The following CDC42BPA variants were observed in gnomAD, a reference collection of about 807,000 sequenced individuals.
CDC42BPA encodes serine/threonine-protein kinase MRCK alpha.
CDC42BPA carries 80 observed loss-of-function variants against 223.5 expected under a neutral mutation model. The ratio of observed to expected loss-of-function variants is 0.36; its 90% CI spans 0.30 to 0.43. The LOEUF is 0.43. Among genes scored for constraint, CDC42BPA ranks in the 20% least tolerant of loss-of-function variants. The pLI is 1.00. For synonymous variants in CDC42BPA, 694 were observed against 718.6 expected (o/e 0.97, Z 0.55); for missense variants, 1,743 against 2,099.9 (o/e 0.83, Z 3.32).
chr1:227,076,920 C>G (rs889941494), intron 17 of CDC42BPA, among the ~76,000 whole-genome samples: 23 of 152,138 alleles, frequency 1.5e-4, no homozygotes, highest in Non-Finnish European at 7.3e-5. Context: ...CTCTATACTT[C>G]CCGAAGTCTA....
chr1:227,203,301 G>A (rs981111792), intron 3 of CDC42BPA, among the ~76,000 whole-genome samples: 3 of 152,106 alleles, frequency 2.0e-5, no homozygotes, highest in African/African-American at 2.4e-5. Context: ...GTCACAATTG[G>A]GAAAGGATGG....
At chr1:227,011,053 G>A in intron 34 of CDC42BPA, 1 of 1,334,914 alleles carries the variant, frequency 7.5e-7, no homozygotes, top group Non-Finnish European at 9.9e-7. Context: ...GGATGGATAA[G>A]GGAAACCTGG....
rs1675683780 is a variant in CDC42BPA, at chr1:227,220,402, GAATA to G, written c.271-7187_271-7184del. Reference sequence around the variant, plus strand: ...ATTATGTAAGGAATAATATATATAAGAATATATATATACTTTGTCTTTTTATTAT... The same window carrying G: ...ATTATGTAAGGAATAATATATATAAGTATATATACTTTGTCTTTTTATTAT... On this transcript the variant is annotated intron_variant, in intron 2 of 36. Transcript: ENST00000366766. Among the ~76,000 whole-genome samples, 4 of 145,700 alleles carry G rather than the reference GAATA, an allele frequency of 2.7e-5. No homozygotes were observed. The Admixed American group carries it at 2.8e-4, about 10-fold the overall frequency.
intron 16 of CDC42BPA, among the ~76,000 whole-genome samples, chr1:227,088,384 T>C (rs1013667527): frequency 6.6e-6 from 1 of 152,196 alleles, no homozygotes. Flanking sequence ...ATAAGAAGAC[T>C]ACATAGGAAT....
chr1:226,994,680 A>T lies in CDC42BPA; in HGVS notation c.5133+143T>A, dbSNP rs758293360. 14 of 887,202 alleles carry T rather than the reference A, an allele frequency of 1.6e-5. No homozygotes were observed. The highest frequency in any genetic ancestry group is 2.5e-5 in the Admixed American group (1 of 40,494). 55.0% of individuals were successfully genotyped at this position (887,202 alleles called of 1,614,324 possible). ...AGTTTGCAGCCCGAGTGACTGGCCT[A>T]GCTGCCCGCTGGCCAAGAGTGAATG... On this transcript the variant is annotated intron_variant, in intron 36 of 36. Coordinates refer to ENST00000366766, the MANE Select transcript of CDC42BPA (RefSeq NM_001394014.1). The surrounding 1 kb of genome is among the most constrained non-coding windows in gnomAD (Gnocchi z 4.0).
At chr1:226,995,321 C>CTCCCAGCCACTGAT in intron 35 of CDC42BPA, among the ~76,000 whole-genome samples, 1 of 152,100 alleles carries the variant, frequency 6.6e-6, no homozygotes, top group African/African-American at 2.4e-5. Flanking sequence ...CAGCCACTGA[C>CTCCCAGCCACTGAT]GGCTCCCAGC....
intron 7 of CDC42BPA, among the ~76,000 whole-genome samples, chr1:227,146,362 C>T (rs1660704347): frequency 6.6e-6 from 1 of 152,018 alleles, no homozygotes; most frequent in Non-Finnish European, 1.5e-5. Context: ...AAATGATGTA[C>T]ATGCTATTTA....
intron 34 of CDC42BPA, among the ~76,000 whole-genome samples, chr1:227,011,379 A>G (rs1396511871): frequency 1.3e-5 from 2 of 152,228 alleles, no homozygotes; most frequent in African/African-American, 4.8e-5. Flanking sequence ...CACAATCAAA[A>G]TATGGCAAAA....
intron 2 of CDC42BPA, among the ~76,000 whole-genome samples, chr1:227,215,393 T>C (rs1674649350): frequency 6.6e-6 from 1 of 152,186 alleles, no homozygotes; most frequent in African/African-American, 2.4e-5. Flanking sequence ...TTCAGTGTCC[T>C]TGTCATGATC....
chr1:227,109,815 T>C (rs1686607923), intron 14 of CDC42BPA, among the ~76,000 whole-genome samples: 1 of 151,666 alleles, frequency 6.6e-6, no homozygotes, highest in Non-Finnish European at 1.5e-5. Context: ...AAGACGTTAC[T>C]AGATGATAGG....
rs140704905 is a variant in CDC42BPA at position 227,304,147 on chromosome 1, C to T, written c.178+12858G>A. Among the ~76,000 whole-genome samples, 737 of 152,274 alleles carry T rather than the reference C, an allele frequency of 4.8e-3. 3 individuals are homozygous for T. Among genetic ancestry groups the T allele is most frequent in the Non-Finnish European group, 8.2e-3 (557 of 68,018 alleles). ...CATGTGGTGGCGCCTGTAATCACGC[C>T]GGTAATCCTGGCACTTTGGGAAGCC... On this transcript the variant is annotated intron_variant, in intron 1 of 36. Coordinates refer to ENST00000366766, the MANE Select transcript of CDC42BPA (RefSeq NM_001394014.1).
chr1:227,168,499 T>TTTTGTTTTTTTG (rs1665503106), intron 5 of CDC42BPA, among the ~76,000 whole-genome samples: 5 of 47,936 alleles, frequency 1.0e-4, no homozygotes, highest in Admixed American at 3.7e-4. Flanking sequence ...TCCCTGGTGT[T>TTTTGTTTTTTTG]TTTTTTTTTT....
At chr1:227,268,691 CTT>C (rs201491978) in intron 1 of CDC42BPA, among the ~76,000 whole-genome samples, 19 of 139,572 alleles carry the variant, frequency 1.4e-4, no homozygotes, top group African/African-American at 4.4e-4. Context: ...CACACACACA[CTT>C]TTTTTTTTTA....
chr1:227,139,857 T>C, intron 9 of CDC42BPA, 115 bp from the exon 10 acceptor site: 1 of 488,050 alleles, frequency 2.0e-6, no homozygotes, highest in Non-Finnish European at 3.3e-6. Context: ...CAAAAACATT[T>C]TTAAATTGCT....
At chr1:227,126,263 G>A (rs1363133767) in intron 11 of CDC42BPA, among the ~76,000 whole-genome samples, 1 of 152,126 alleles carries the variant, frequency 6.6e-6, no homozygotes, top group Non-Finnish European at 1.5e-5. Context: ...CGTGCCACAA[G>A]GTAAGTACTA....
chr1:227,072,197 CA>C lies in CDC42BPA; in HGVS notation c.2827+10del. 1 of 1,500,960 alleles carries C rather than the reference CA, an allele frequency of 6.7e-7. No individual in the cohort carries two copies. Among genetic ancestry groups the C allele is most frequent in the Non-Finnish European group, 9.1e-7 (1 of 1,094,180 alleles). 93.0% of individuals were successfully genotyped at this position (1,500,960 alleles called of 1,614,324 possible). A position where few individuals can be genotyped will look rare whatever the true frequency, so the allele number is the denominator to read the frequency against. The stretch of plus-strand genomic sequence containing the variant: ...GTAAGTCCTGAGTGAGGCAAACACA[CA>C]CTCCCATACCCTTTTCAGATCTAAG... On this transcript the variant is annotated intron_variant, in intron 20 of 36. Coordinates refer to ENST00000366766, the MANE Select transcript of CDC42BPA (RefSeq NM_001394014.1).
At chr1:227,044,127 T>C (rs868307126) in intron 23 of CDC42BPA, among the ~76,000 whole-genome samples, 1 of 152,354 alleles carries the variant, frequency 6.6e-6, no homozygotes, top group Middle Eastern at 3.4e-3. Context: ...CACATGCTTG[T>C]TGACCATCAG....
chr1:227,193,480 C>CT (rs1235287853), intron 5 of CDC42BPA, among the ~76,000 whole-genome samples: 1 of 151,992 alleles, frequency 6.6e-6, no homozygotes. Context: ...ACCCTGTACC[C>CT]ATAGGTAATT....
intron 21 of CDC42BPA, among the ~76,000 whole-genome samples, chr1:227,053,808 T>C (rs1190354325): frequency 6.6e-6 from 1 of 152,176 alleles, no homozygotes. Flanking sequence ...GGGACAGCCA[T>C]GGAGAAAGTA....
Sources: gnomAD v4.1 joint callset for allele counts (sites outside exome capture counted in the v4.1 genomes callset) on GRCh38, gnomAD v4.1.1 for gene constraint, Gnocchi (gnomAD v3.1) non-coding constraint, MANE v1.5 for transcripts, NCBI Gene and HGNC (gene_info 2026-07-23, HGNC 2026-07-21) for gene names.